Variants in SDK1 observed in about 807,000 individuals in gnomAD.
SDK1 encodes protein sidekick-1.
SDK1 carries 157 observed loss-of-function variants against 245.5 expected under a neutral mutation model. The observed-to-expected ratio is 0.64, with a 90% CI of 0.56 to 0.73. The LOEUF (loss-of-function observed/expected upper bound fraction) is 0.73. Among genes scored for constraint, SDK1 ranks in the 30% least tolerant of loss-of-function variants. SDK1 has a pLI of 0.00. For synonymous variants in SDK1, 1,647 were observed against 1,278.5 expected (o/e 1.29, Z -6.15); for missense variants, 3,583 against 3,002.3 (o/e 1.19, Z -4.52).
chr7:3,521,984 G>A (rs1782953769), intron 1 of SDK1, among the ~76,000 whole-genome samples: 2 of 151,992 alleles, frequency 1.3e-5, no homozygotes, highest in African/African-American at 2.4e-5. Flanking sequence ...AGTTAGCCAG[G>A]TGAGCATACG....
At chr7:3,374,778 T>C (rs1395110311) in intron 1 of SDK1, among the ~76,000 whole-genome samples, 3 of 152,168 alleles carry the variant, frequency 2.0e-5, no homozygotes, top group African/African-American at 4.8e-5. Context: ...TTCAGTAATA[T>C]TTCTTCAAAG....
chr7:3,378,485 A>G (rs968612738), intron 1 of SDK1, among the ~76,000 whole-genome samples: 9 of 152,092 alleles, frequency 5.9e-5, no homozygotes, highest in African/African-American at 4.8e-5. Flanking sequence ...TGTATCAGCC[A>G]TGTACCCAGG....
chr7:3,623,359 G>C (rs1454537294), intron 2 of SDK1, among the ~76,000 whole-genome samples: 1 of 149,826 alleles, frequency 6.7e-6, no homozygotes, highest in East Asian at 2.0e-4. Context: ...GCGATTGTCA[G>C]CCTCCTGCGT....
rs372529762 is a variant in SDK1 at position 4,149,509 on chromosome 7, C to T, written c.4625+46C>T. On this transcript the variant is annotated intron_variant, in intron 30 of 44. Transcript: ENST00000404826. Reference sequence around the variant, plus strand: ...CCTCCCCGGGGAACGGGGCCCTGGCCGCCTCCAGCCAGCTCCTGTCCAGAT... The same window carrying T: ...CCTCCCCGGGGAACGGGGCCCTGGCTGCCTCCAGCCAGCTCCTGTCCAGAT... The T allele has an allele frequency of 2.8e-5, 37 of 1,312,600 alleles. No individual in the cohort carries two copies. In the African/African-American group the frequency reaches 2.9e-4, roughly 10 times the overall value. The allele number at this position is 1,312,600 out of a possible 1,614,324, so 81.3% of individuals were successfully genotyped here.
intron 1 of SDK1, among the ~76,000 whole-genome samples, chr7:3,551,296 G>A (rs1041377432): frequency 1.3e-5 from 2 of 152,072 alleles, no homozygotes; most frequent in African/African-American, 2.4e-5. Context: ...TTTAAAATGA[G>A]CATCTGGGTA....
intron 14 of SDK1, among the ~76,000 whole-genome samples, chr7:4,009,009 G>A (rs374722682): frequency 2.0e-4 from 31 of 152,306 alleles, no homozygotes; most frequent in African/African-American, 6.5e-4. Flanking sequence ...TTTATATTCA[G>A]AACAACCGCG....
chr7:4,061,001 A>G (rs1254638214), intron 19 of SDK1, among the ~76,000 whole-genome samples: 1 of 152,150 alleles, frequency 6.6e-6, no homozygotes, highest in South Asian at 2.1e-4. Flanking sequence ...GTTGATCTAT[A>G]TCTCTGTTTT....
intron 32 of SDK1, among the ~76,000 whole-genome samples, chr7:4,165,644 C>T (rs2128214261): frequency 6.6e-6 from 1 of 152,166 alleles, no homozygotes; most frequent in South Asian, 2.1e-4. Flanking sequence ...CCTGCACCAC[C>T]ATACCTGGCT....
intron 4 of SDK1, among the ~76,000 whole-genome samples, chr7:3,682,549 G>A (rs1467311090): frequency 6.6e-6 from 1 of 152,270 alleles, no homozygotes; most frequent in African/African-American, 2.4e-5. Flanking sequence ...ACAGTGCTGA[G>A]CCCCCATGCA....
In SDK1 at chr7:3,301,628, C is replaced by A. The variant is rs1779260559; in HGVS notation, c.42C>A (p.Gly14=). The A allele has an allele frequency of 1.4e-5, 14 of 977,120 alleles. No homozygotes were observed. The highest frequency in any genetic ancestry group is 1.7e-5 in the Non-Finnish European group (14 of 826,436). The allele number at this position is 977,120 out of a possible 1,614,324, so 60.5% of individuals were successfully genotyped here. The change falls in exon 1 of 45, where the codon GGC becomes GGA. Residue 14 remains glycine, a synonymous_variant. Coordinates refer to ENST00000404826, the MANE Select transcript of SDK1 (RefSeq NM_152744.4). ...GGCCCTCGGCGGCCGGTGGCGGCGGCGGCGGCGCGGAGCCCCCTGAGCGCG... is the reference window on the plus strand; with the variant it reads ...GGCCCTCGGCGGCCGGTGGCGGCGGAGGCGGCGCGGAGCCCCCTGAGCGCG... The part of the protein sequence containing the change: ...GARPSAAGGG[G]GGAEPPERAG...
At chr7:4,069,438 C>T (rs1780106170) in intron 20 of SDK1, among the ~76,000 whole-genome samples, 1 of 152,238 alleles carries the variant, frequency 6.6e-6, no homozygotes, top group African/African-American at 2.4e-5. Context: ...GGCAGGGGCT[C>T]CTGCGTGGGT....
At chr7:3,495,935 C>A (rs77736611) in intron 1 of SDK1, among the ~76,000 whole-genome samples, 2,558 of 152,296 alleles carry the variant, frequency 0.017, 85 homozygotes, top group African/African-American at 0.059. Flanking sequence ...CTTCAGTTCA[C>A]AGATTCCAGA....
At position 3,596,330 on chromosome 7, in the gene SDK1, G is replaced by A. The variant is rs1187691028; in HGVS notation, c.299-22750G>A. On this transcript the variant is annotated intron_variant, in intron 1 of 44. Coordinates refer to ENST00000404826, the MANE Select transcript of SDK1 (RefSeq NM_152744.4). ...ATAATTGGTACAAGAGAGTAAGTCTGACAGTGCCAGTGACCATCAGAACAA... is the reference window on the plus strand; with the variant it reads ...ATAATTGGTACAAGAGAGTAAGTCTAACAGTGCCAGTGACCATCAGAACAA... Among the ~76,000 whole-genome samples the A allele has an allele frequency of 5.9e-5, 9 of 152,296 alleles. No individual in the cohort carries two copies. The South Asian group carries it at 1.9e-3, about 32-fold the overall frequency.
intron 20 of SDK1, among the ~76,000 whole-genome samples, chr7:4,070,280 C>T (rs944138962): frequency 1.3e-5 from 2 of 152,214 alleles, no homozygotes; most frequent in Admixed American, 6.5e-5. Flanking sequence ...TCCCTCGTCA[C>T]CCTCATTTCC....
At chr7:4,104,076 T>G (rs1417671440) in intron 22 of SDK1, among the ~76,000 whole-genome samples, 1 of 152,246 alleles carries the variant, frequency 6.6e-6, no homozygotes, top group East Asian at 1.9e-4. Flanking sequence ...TTGTTTGTGT[T>G]TGAGACGGGG....
chr7:4,255,414 C>G lies in SDK1; in HGVS notation c.6381+9609C>G, dbSNP rs150950957. ...AGCCTTCTTCTTCCATAGTGACACA[C>G]CCGCTACACAAGTGGGGCACTGGGT... On this transcript the variant is annotated intron_variant, in intron 44 of 44. Transcript: ENST00000404826. Among the ~76,000 whole-genome samples, 605 of 152,328 alleles carry G rather than the reference C, an allele frequency of 4.0e-3. 3 individuals carry two copies. Among genetic ancestry groups the G allele is most frequent in the African/African-American group, 0.014 (586 of 41,572 alleles).
chr7:4,059,574 C>T (rs75155563), intron 19 of SDK1, among the ~76,000 whole-genome samples: 4 of 152,290 alleles, frequency 2.6e-5, no homozygotes, highest in Non-Finnish European at 5.9e-5. Context: ...ATTTAAACTG[C>T]GCTTTAGACT....
At chr7:3,721,140 G>A (rs1396859451) in intron 4 of SDK1, among the ~76,000 whole-genome samples, 1 of 152,208 alleles carries the variant, frequency 6.6e-6, no homozygotes, top group African/African-American at 2.4e-5. Context: ...GGCTTAAAAA[G>A]GGAGCTGGAG....
chr7:3,448,200 A>T (rs1252419118), intron 1 of SDK1, among the ~76,000 whole-genome samples: 1 of 152,136 alleles, frequency 6.6e-6, no homozygotes, highest in Non-Finnish European at 1.5e-5. Flanking sequence ...ATCACTCTTT[A>T]AGCAAATGTG....
Sources: gnomAD v4.1 joint callset for allele counts (sites outside exome capture counted in the v4.1 genomes callset) on GRCh38, gnomAD v4.1.1 for gene constraint, MANE v1.5 for transcripts, NCBI Gene and HGNC (gene_info 2026-07-23, HGNC 2026-07-21) for gene names.